Variants in ZFAT observed in about 807,000 individuals in gnomAD.
ZFAT encodes zinc finger protein ZFAT.
A neutral mutation model predicts 117.7 loss-of-function variants in ZFAT; 64 were observed. That is an observed-to-expected ratio of 0.54 (90% CI 0.44 to 0.67). ZFAT has a LOEUF of 0.67. Ranked by LOEUF, ZFAT falls within the 30% of genes least tolerant of loss-of-function variation. ZFAT has a pLI of 0.00. For synonymous variants in ZFAT, 679 were observed against 615.0 expected (o/e 1.10, Z -1.54); for missense variants, 1,433 against 1,584.5 (o/e 0.90, Z 1.62).
chr8:134,723,409 G>A, the ZFAT span: 1 of 152,368 alleles, frequency 6.6e-6, no homozygotes. Flanking sequence ...TGGGAGGTCA[G>A]AGAGGAATGA....
At chr8:134,556,102 GAAAAGA>G (rs377637329) in intron 11 of ZFAT, among the ~76,000 whole-genome samples, 6 of 150,488 alleles carry the variant, frequency 4.0e-5, no homozygotes, top group African/African-American at 1.2e-4. Flanking sequence ...AAAAGAAAAG[GAAAAGA>G]AAAAGAAAAA....
At chr8:134,664,678 A>C (rs918480200) in intron 1 of ZFAT, among the ~76,000 whole-genome samples, 1 of 152,262 alleles carries the variant, frequency 6.6e-6, no homozygotes, top group African/African-American at 2.4e-5. Flanking sequence ...CCAAATATTA[A>C]GAATTGTTAA....
At chr8:134,789,668 G>C in the ZFAT span, among the ~76,000 whole-genome samples, 1 of 152,078 alleles carries the variant, frequency 6.6e-6, no homozygotes, top group South Asian at 2.1e-4. Flanking sequence ...AAAAGCCTGG[G>C]GCCCTACTGA....
At chr8:134,712,718 C>CGGGGCCG (rs1487676971) in intron 1 of ZFAT, 127 bp downstream of exon 1, 1 of 821,472 alleles carries the variant, frequency 1.2e-6, no homozygotes, top group Non-Finnish European at 1.7e-6. Flanking sequence ...CGGATCCCTC[C>CGGGGCCG]GCGGCCGGCG....
intron 1 of ZFAT, among the ~76,000 whole-genome samples, chr8:134,662,634 T>C (rs532321145): frequency 2.8e-4 from 42 of 152,330 alleles, no homozygotes; most frequent in African/African-American, 9.6e-4. Context: ...TGGGTGACAA[T>C]GGCCACCGCC....
the ZFAT span, among the ~76,000 whole-genome samples, chr8:134,791,052 CT>C: frequency 6.6e-6 from 1 of 152,174 alleles, no homozygotes; most frequent in Non-Finnish European, 1.5e-5. Context: ...ATTCTTTCCC[CT>C]AATGACTTTA....
the ZFAT span, chr8:134,794,575 C>A: frequency 6.6e-6 from 1 of 152,202 alleles, no homozygotes; most frequent in Non-Finnish European, 1.5e-5. Context: ...CCTTGATAAT[C>A]TTTTACCTGC....
chr8:134,512,718 T>C, intron 13 of ZFAT, 117 bp from the exon 14 acceptor site: 1 of 1,323,022 alleles, frequency 7.6e-7, no homozygotes. Context: ...CATTGCAACA[T>C]CTCATTTACC....
intron 15 of ZFAT, among the ~76,000 whole-genome samples, chr8:134,481,952 C>G (rs1404186546): frequency 6.6e-6 from 1 of 152,236 alleles, no homozygotes; most frequent in Non-Finnish European, 1.5e-5. Flanking sequence ...GGCCACCTCC[C>G]AGTCACCAAA....
chr8:134,745,652 C>T, the ZFAT span, among the ~76,000 whole-genome samples: 1 of 152,186 alleles, frequency 6.6e-6, no homozygotes, highest in Non-Finnish European at 1.5e-5. Flanking sequence ...GGCAGAGGAG[C>T]TTTTATCAGA....
intron 1 of ZFAT, among the ~76,000 whole-genome samples, chr8:134,661,498 TC>T (rs1831929246): frequency 1.3e-5 from 2 of 151,972 alleles, no homozygotes; most frequent in African/African-American, 4.8e-5. Context: ...ATCACATGGC[TC>T]CCCCTAGAAT....
intron 10 of ZFAT, among the ~76,000 whole-genome samples, chr8:134,583,123 G>A (rs777908932): frequency 1.3e-5 from 2 of 151,560 alleles, no homozygotes; most frequent in East Asian, 1.9e-4. Flanking sequence ...CACCCACCTC[G>A]ACCCATGCCC....
At chr8:134,490,464 G>A (rs1817971313) in intron 15 of ZFAT, among the ~76,000 whole-genome samples, 1 of 152,196 alleles carries the variant, frequency 6.6e-6, no homozygotes, top group Admixed American at 6.5e-5. Flanking sequence ...AATGGCTGGG[G>A]TACTTGGCGA....
the ZFAT span, among the ~76,000 whole-genome samples, chr8:134,830,481 T>G: frequency 2.6e-5 from 4 of 152,290 alleles, no homozygotes; most frequent in Admixed American, 6.5e-5. Flanking sequence ...TTTTTGAAAA[T>G]GACAAATAAC....
chr8:134,547,445 C>T (rs1010805672), intron 11 of ZFAT, among the ~76,000 whole-genome samples: 26 of 152,200 alleles, frequency 1.7e-4, no homozygotes, highest in African/African-American at 6.3e-4. Flanking sequence ...AACCTTCTCA[C>T]CATTTATTCC....
chr8:134,507,287 C>G (rs767657030), intron 15 of ZFAT, among the ~76,000 whole-genome samples: 1 of 152,172 alleles, frequency 6.6e-6, no homozygotes, highest in Non-Finnish European at 1.5e-5. Flanking sequence ...CAGAGGGCAT[C>G]CTTTCACCTG....
chr8:134,728,960 T>G, the ZFAT span, among the ~76,000 whole-genome samples: 1 of 152,214 alleles, frequency 6.6e-6, no homozygotes, highest in Admixed American at 6.5e-5. Flanking sequence ...ATATATGACT[T>G]TTTATTTTCA....
the ZFAT span, among the ~76,000 whole-genome samples, chr8:134,801,924 A>G: frequency 6.6e-6 from 1 of 152,218 alleles, no homozygotes; most frequent in Non-Finnish European, 1.5e-5. Context: ...GTACTTGGGA[A>G]CTGTGGGGGG....
chr8:134,704,976 G>C (rs1200128985), intron 1 of ZFAT, among the ~76,000 whole-genome samples: 1 of 150,578 alleles, frequency 6.6e-6, no homozygotes, highest in African/African-American at 2.4e-5. Context: ...GATACAAAAA[G>C]CACTTCCGAT....
Sources: allele counts gnomAD v4.1 joint callset (sites outside exome capture counted in the v4.1 genomes callset), GRCh38; gene constraint gnomAD v4.1.1; transcripts MANE v1.5; gene names NCBI Gene and HGNC (gene_info 2026-07-23, HGNC 2026-07-21).